Variants in GNA12 observed in about 807,000 individuals in gnomAD.
GNA12 encodes the protein guanine nucleotide-binding protein subunit alpha-12.
A neutral mutation model predicts 26.0 loss-of-function variants in GNA12; 9 were observed. The ratio of observed to expected loss-of-function variants is 0.35; its 90% CI spans 0.21 to 0.60. GNA12 has a LOEUF of 0.60. GNA12 is among the 20% of genes least tolerant of loss of function. The pLI is 0.78. For missense variants in GNA12, 405 were observed against 525.8 expected (o/e 0.77, Z 2.25); for synonymous variants, 264 against 219.6 (o/e 1.20, Z -1.79).
At chr7:2,809,014 G>A (rs1420798696) in intron 1 of GNA12, among the ~76,000 whole-genome samples, 2 of 152,140 alleles carry the variant, frequency 1.3e-5, no homozygotes, top group East Asian at 3.9e-4. Context: ...CTGGGGCAGG[G>A]AAGCTTCTCA....
intron 2 of GNA12, among the ~76,000 whole-genome samples, chr7:2,745,595 G>C (rs1183054360): frequency 6.6e-6 from 1 of 152,146 alleles, no homozygotes; most frequent in Non-Finnish European, 1.5e-5. Flanking sequence ...TCAAGGCTAG[G>C]AAAAAACTGC....
At chr7:2,753,048 C>T (rs540453304) in intron 2 of GNA12, among the ~76,000 whole-genome samples, 22 of 152,298 alleles carry the variant, frequency 1.4e-4, no homozygotes, top group African/African-American at 4.6e-4. Flanking sequence ...TTGGTAACCA[C>T]GAATCTGATT....
intron 1 of GNA12, among the ~76,000 whole-genome samples, chr7:2,840,781 C>A (rs148757776): frequency 6.6e-6 from 1 of 151,912 alleles, no homozygotes; most frequent in African/African-American, 2.4e-5. Flanking sequence ...GCCCACGAGG[C>A]GACGCAAGGC....
chr7:2,774,569 C>T (rs1412295136), intron 2 of GNA12, among the ~76,000 whole-genome samples: 1 of 152,134 alleles, frequency 6.6e-6, no homozygotes, highest in Non-Finnish European at 1.5e-5. Context: ...AGGAGATGGG[C>T]TTGCCGAGGC....
chr7:2,842,490 G>A (rs1046352932), intron 1 of GNA12, among the ~76,000 whole-genome samples: 1 of 152,156 alleles, frequency 6.6e-6, no homozygotes, highest in African/African-American at 2.4e-5. Context: ...TGGCACTGAG[G>A]TCTTGCTGTG....
intron 1 of GNA12, chr7:2,835,739 T>C (rs529711806): frequency 6.8e-5 from 61 of 890,654 alleles, no homozygotes; most frequent in Admixed American, 1.1e-4. Flanking sequence ...AAGGAAGAAA[T>C]AGAAGTAAAA....
chr7:2,792,644 A>G (rs1411757811), intron 2 of GNA12, among the ~76,000 whole-genome samples: 1 of 152,230 alleles, frequency 6.6e-6, no homozygotes, highest in Non-Finnish European at 1.5e-5. Context: ...ACATTGAGAT[A>G]CTGACATGTA....
intron 1 of GNA12, chr7:2,815,022 A>C: frequency 6.6e-7 from 1 of 1,514,094 alleles, no homozygotes; most frequent in Non-Finnish European, 8.8e-7. Context: ...CCTTCCACCC[A>C]ATCCAGTCCC....
chr7:2,783,838 CCAT>C (rs1481497973), intron 2 of GNA12, among the ~76,000 whole-genome samples: 2 of 151,968 alleles, frequency 1.3e-5, no homozygotes, highest in Non-Finnish European at 2.9e-5. Flanking sequence ...GCACCCACCA[CCAT>C]GTCTGGCTTA....
Position 2,791,717 on chromosome 7 carries a change from G to A in GNA12, c.525+3211C>T, listed in dbSNP as rs774381381. Among the ~76,000 whole-genome samples the A allele has an allele frequency of 3.6e-4, 54 of 151,660 alleles. 1 individual carries two copies. Among genetic ancestry groups the A allele is most frequent in the Middle Eastern group, 3.2e-3 (1 of 316 alleles). ...GGAAAAGATTGGAAGAGAAACAAGG[G>A]TCTACTGCAGGGGTGGGGGAGGGAG... On this transcript the variant is annotated intron_variant, in intron 2 of 3. Transcript: ENST00000275364.
intron 2 of GNA12, among the ~76,000 whole-genome samples, chr7:2,758,079 T>C (rs1791386962): frequency 6.6e-6 from 1 of 152,188 alleles, no homozygotes; most frequent in African/African-American, 2.4e-5. Context: ...ACCAACAGGA[T>C]GAGTCAGCAG....
intron 2 of GNA12, among the ~76,000 whole-genome samples, chr7:2,790,845 A>G (rs1420814215): frequency 6.6e-6 from 1 of 152,182 alleles, no homozygotes; most frequent in Non-Finnish European, 1.5e-5. Flanking sequence ...GTGGTGGCAC[A>G]TGCCTGTGAT....
intron 2 of GNA12, among the ~76,000 whole-genome samples, chr7:2,768,535 C>T (rs1435473183): frequency 6.6e-6 from 1 of 151,994 alleles, no homozygotes; most frequent in Non-Finnish European, 1.5e-5. Flanking sequence ...ATGTAACACT[C>T]AGGAAAACAA....
intron 1 of GNA12, among the ~76,000 whole-genome samples, chr7:2,809,480 A>C (rs1051991468): frequency 3.9e-5 from 6 of 152,192 alleles, no homozygotes; most frequent in Non-Finnish European, 5.9e-5. Flanking sequence ...CTCATTATTG[A>C]CATTAATACA....
intron 2 of GNA12, among the ~76,000 whole-genome samples, chr7:2,743,520 G>A (rs1259419070): frequency 1.3e-5 from 2 of 152,154 alleles, no homozygotes; most frequent in African/African-American, 4.8e-5. Context: ...TGCTCATGTT[G>A]AATAAAGATA....
intron 2 of GNA12, among the ~76,000 whole-genome samples, chr7:2,737,274 G>GTTTTTTTTTTTTGTT: frequency 2.9e-5 from 1 of 35,046 alleles, no homozygotes; most frequent in East Asian, 8.3e-4. Context: ...GTTTTGTTTT[G>GTTTTTTTTTTTTGTT]TTTTTTTTTT....
chr7:2,753,167 A>ATTT (rs1483291519), intron 2 of GNA12, among the ~76,000 whole-genome samples: 112 of 150,624 alleles, frequency 7.4e-4, no homozygotes, highest in African/African-American at 2.7e-3. Flanking sequence ...TTTTTTTTTA[A>ATTT]AAAAAGAGAC....
chr7:2,767,367 C>T lies in GNA12; in HGVS notation c.525+27561G>A, dbSNP rs536248002. Among the ~76,000 whole-genome samples, 6 of 152,054 alleles carry T rather than the reference C, an allele frequency of 3.9e-5. No individual in the cohort carries two copies. The East Asian group carries it at 9.6e-4, about 24-fold the overall frequency. ...GTTTTCTTCTAGGAGTTTTAGTTTT[C>T]GTGATTATGTTTAAGTCTTTAAGCC... On this transcript the variant is annotated intron_variant, in intron 2 of 3. Transcript: ENST00000275364.
intron 1 of GNA12, among the ~76,000 whole-genome samples, chr7:2,816,895 T>C (rs1270240967): frequency 6.6e-6 from 1 of 152,200 alleles, no homozygotes; most frequent in Admixed American, 6.5e-5. Context: ...GGTGACTTCT[T>C]ACCGCCTCCT....
Sources: allele counts gnomAD v4.1 joint callset (sites outside exome capture counted in the v4.1 genomes callset), GRCh38; gene constraint gnomAD v4.1.1; transcripts MANE v1.5; gene names NCBI Gene and HGNC (gene_info 2026-07-23, HGNC 2026-07-21).